The following PPME1 variants were observed in gnomAD, a reference collection of about 807,000 sequenced individuals.
The protein encoded by PPME1 is protein phosphatase methylesterase 1, also known as testicular secretory protein Li 39.
A neutral mutation model predicts 56.9 loss-of-function variants in PPME1; 17 were observed. That is an observed-to-expected ratio of 0.30 (90% CI 0.20 to 0.45). The LOEUF (loss-of-function observed/expected upper bound fraction) is 0.45, where lower values mean the gene tolerates loss of function less well. Among genes scored for constraint, PPME1 ranks in the 20% least tolerant of loss-of-function variants. PPME1 has a pLI of 1.00. For synonymous variants in PPME1, 122 were observed against 156.2 expected, an observed-to-expected ratio of 0.78 and a Z score of 1.63; for missense variants, 357 against 483.2, an observed-to-expected ratio of 0.74 and a Z score of 2.45.
At chr11:74,236,029 T>C in intron 8 of PPME1, 63 bp downstream of exon 8, 2 of 1,574,822 alleles carry the variant, frequency 1.3e-6, no homozygotes, top group East Asian at 2.3e-5. Context: ...GAATTACAGA[T>C]TGCTTCTTTT....
chr11:74,225,125 T>C, intron 4 of PPME1, 80 bp from the exon 5 acceptor site: 1 of 966,958 alleles, frequency 1.0e-6, no homozygotes, highest in South Asian at 1.6e-5. Context: ...TGTCCAAAGA[T>C]GATATTTTTA....
chr11:74,251,098 T>C, intron 12 of PPME1, 80 bp downstream of exon 12: 2 of 1,538,346 alleles, frequency 1.3e-6, no homozygotes, highest in South Asian at 2.4e-5. Context: ...TCTCTGAGTC[T>C]CAGCCTGCAT....
chr11:74,241,297 T>C (rs1859353664), intron 9 of PPME1, among the ~76,000 whole-genome samples: 1 of 152,254 alleles, frequency 6.6e-6, no homozygotes, highest in Admixed American at 6.5e-5. Context: ...GGTTCATCCA[T>C]ATTGTAGCAC....
chr11:74,240,690 T>C (rs1450355601), intron 9 of PPME1, among the ~76,000 whole-genome samples: 1 of 152,236 alleles, frequency 6.6e-6, no homozygotes, highest in African/African-American at 2.4e-5. Context: ...AAATAACGCA[T>C]GGTCTGTTTG....
chr11:74,227,011 C>G (rs1233271099), intron 5 of PPME1, among the ~76,000 whole-genome samples: 2 of 152,070 alleles, frequency 1.3e-5, no homozygotes, highest in Non-Finnish European at 2.9e-5. Context: ...GAAAATCTGC[C>G]CTTTTGGAAC....
chr11:74,240,450 GT>G (rs1034804762), intron 9 of PPME1, among the ~76,000 whole-genome samples: 1 of 152,144 alleles, frequency 6.6e-6, no homozygotes, highest in African/African-American at 2.4e-5. Flanking sequence ...TCTTGAAAAT[GT>G]TTAGTGCTCA....
chr11:74,212,753 G>A (rs1286384514), intron 3 of PPME1, among the ~76,000 whole-genome samples: 1 of 152,122 alleles, frequency 6.6e-6, no homozygotes, highest in Non-Finnish European at 1.5e-5. Flanking sequence ...AGCTAGAAGG[G>A]AGCCTGCTTC....
At chr11:74,223,977 G>A (rs1858869480) in intron 4 of PPME1, among the ~76,000 whole-genome samples, 2 of 152,004 alleles carry the variant, frequency 1.3e-5, no homozygotes, top group Non-Finnish European at 2.9e-5. Context: ...TTTGTCTTTT[G>A]TTGCCATTGC....
intron 1 of PPME1, among the ~76,000 whole-genome samples, chr11:74,191,801 A>T (rs145942671): frequency 1.3e-5 from 2 of 152,342 alleles, no homozygotes; most frequent in East Asian, 3.9e-4. Context: ...AGAGTGAGGA[A>T]GGCTAGGTAG....
At chr11:74,249,300 C>A (rs1354088662) in intron 11 of PPME1, 1 of 152,218 alleles carries the variant, frequency 6.6e-6, no homozygotes, top group Non-Finnish European at 1.5e-5. Flanking sequence ...TCCTGGAAAA[C>A]TACCACCTAT....
chr11:74,218,970 T>C (rs1021554050), intron 3 of PPME1, among the ~76,000 whole-genome samples: 3 of 152,096 alleles, frequency 2.0e-5, no homozygotes, highest in South Asian at 2.1e-4. Context: ...GGAGAAAATA[T>C]TTGCAAACTA....
intron 8 of PPME1, chr11:74,237,957 A>G (rs1406716614): frequency 6.6e-6 from 1 of 152,220 alleles, no homozygotes; most frequent in Non-Finnish European, 1.5e-5. Context: ...CATGGCATAT[A>G]TGCAGATAGT....
In PPME1 at chr11:74,230,404, G is replaced by A; in HGVS notation, c.553+5G>A. ...GCATGATTGATGTTGTAGAAGGTGA[G>A]TTTTCTTAGCACTGACCAAATCAGG... On this transcript the variant is annotated splice_donor_5th_base_variant and intron_variant, in intron 6 of 13. Coordinates refer to ENST00000328257, the MANE Select transcript of PPME1 (RefSeq NM_016147.3). The surrounding 1 kb of genome is among the most constrained non-coding windows in gnomAD (Gnocchi z 4.9). 2 of 1,613,490 alleles carry A rather than the reference G, an allele frequency of 1.2e-6. No individual in the cohort carries two copies. Among genetic ancestry groups the A allele is most frequent in the Non-Finnish European group, 1.7e-6 (2 of 1,179,688 alleles).
chr11:74,254,525 G>T lies in PPME1; in HGVS notation c.*1015G>T, dbSNP rs145942565. On this transcript the variant is annotated 3_prime_UTR_variant, in exon 14 of 14. Coordinates refer to ENST00000328257, the MANE Select transcript of PPME1 (RefSeq NM_016147.3). ...GCACGCCATTTCCAAGGGCAGGAAG[G>T]GGCAGTGTCCTGAAGCCCATCTTTT... 2,013 of 153,178 alleles carry T rather than the reference G, an allele frequency of 0.013. 22 individuals carry two copies. The highest frequency in any genetic ancestry group is 0.02 in the Non-Finnish European group (1,398 of 68,226). The allele number at this position is 153,178 out of a possible 1,614,324, so 9.5% of individuals were successfully genotyped here.
At chr11:74,193,345 A>T (rs571636426) in intron 1 of PPME1, among the ~76,000 whole-genome samples, 1 of 152,254 alleles carries the variant, frequency 6.6e-6, no homozygotes, top group Non-Finnish European at 1.5e-5. Context: ...CAAAATTATT[A>T]AAAACATTGT....
chr11:74,188,101 C>A (rs1472190118), intron 1 of PPME1, among the ~76,000 whole-genome samples: 2 of 152,058 alleles, frequency 1.3e-5, no homozygotes, highest in African/African-American at 4.8e-5. Flanking sequence ...TAGACTAACT[C>A]ATTGCTACTA....
At chr11:74,239,340 T>C in intron 9 of PPME1, 84 bp downstream of exon 9, 1 of 1,520,352 alleles carries the variant, frequency 6.6e-7, no homozygotes, top group Non-Finnish European at 8.8e-7. Context: ...ATAACATTGT[T>C]CTTTTTGTTT....
At chr11:74,236,955 A>G (rs1324310424) in intron 8 of PPME1, among the ~76,000 whole-genome samples, 3 of 152,212 alleles carry the variant, frequency 2.0e-5, no homozygotes, top group Admixed American at 6.5e-5. Flanking sequence ...ATTAAAGTCA[A>G]AATCAAAATA....
intron 10 of PPME1, among the ~76,000 whole-genome samples, chr11:74,246,649 G>A (rs1859511891): frequency 6.6e-6 from 1 of 152,154 alleles, no homozygotes; most frequent in Non-Finnish European, 1.5e-5. Context: ...CACCAAATGA[G>A]TAGTGACATC....
Sources: allele counts gnomAD v4.1 joint callset (sites outside exome capture counted in the v4.1 genomes callset), GRCh38; gene constraint gnomAD v4.1.1; non-coding constraint Gnocchi (gnomAD v3.1); transcripts MANE v1.5; gene names NCBI Gene and HGNC (gene_info 2026-07-23, HGNC 2026-07-21).